Variants in SLC24A3 observed in about 807,000 individuals in gnomAD.
SLC24A3 encodes solute carrier family 24 member 3.
In SLC24A3, 28 loss-of-function variants were observed where a neutral mutation model predicts 75.8. The observed-to-expected ratio is 0.37, with a 90% CI of 0.27 to 0.51. The LOEUF (loss-of-function observed/expected upper bound fraction) is 0.51. Among genes scored for constraint, SLC24A3 ranks in the 20% least tolerant of loss-of-function variants. The pLI, the probability that SLC24A3 is intolerant of heterozygous loss-of-function variation, is 0.94. For synonymous variants in SLC24A3, 372 were observed against 334.1 expected, an observed-to-expected ratio of 1.11 and a Z score of -1.24; for missense variants, 663 against 847.8, an observed-to-expected ratio of 0.78 and a Z score of 2.71.
intron 2 of SLC24A3, among the ~76,000 whole-genome samples, chr20:19,381,232 G>A (rs552478592): frequency 5.3e-4 from 81 of 152,286 alleles, no homozygotes; most frequent in African/African-American, 1.8e-3. Context: ...GTTATGGGAG[G>A]TGGGGACTCA....
chr20:19,322,139 C>CT (rs1984721747), intron 2 of SLC24A3, among the ~76,000 whole-genome samples: 1 of 152,116 alleles, frequency 6.6e-6, no homozygotes, highest in Non-Finnish European at 1.5e-5. Flanking sequence ...CAGGTTGATG[C>CT]TTTGTCTATG....
rs140299559 is a variant in SLC24A3 at position 19,693,343 on chromosome 20, C to T, written c.1409C>T (p.Pro470Leu). 1.9e-6 allele frequency: 3 copies of T among 1,613,968 alleles called. No individual in the cohort carries two copies. The highest frequency in any genetic ancestry group is 1.3e-5 in the African/African-American group (1 of 74,876). Reference protein sequence around the residue: ...LYFTVPNCNKPRWEKWFMVTF... With the variant: ...LYFTVPNCNKLRWEKWFMVTF... ...TTCACTGTACCCAACTGCAACAAGC[C>T]GCGCTGGGAGAAATGGTTCATGGTG... Residue 470 changes from proline to leucine, a missense_variant, in exon 13 of 17, where the codon CCG becomes CTG. Physicochemically the swap from Pro to Leu is moderately conservative, Grantham distance 98. Around this residue, in one of 2 missense-constraint regions of SLC24A3, gnomAD observed 510 missense variants for 703.6 expected, o/e 0.72. Coordinates refer to ENST00000328041, the MANE Select transcript of SLC24A3 (RefSeq NM_020689.4).
chr20:19,649,655 T>C (rs2032178818), intron 6 of SLC24A3, among the ~76,000 whole-genome samples: 1 of 152,240 alleles, frequency 6.6e-6, no homozygotes, highest in African/African-American at 2.4e-5. Flanking sequence ...CTACAATTTC[T>C]ATTATACCTG....
chr20:19,681,052 G>T (rs181781533), intron 9 of SLC24A3, among the ~76,000 whole-genome samples: 14 of 152,244 alleles, frequency 9.2e-5, no homozygotes, highest in African/African-American at 3.4e-4. Context: ...GTCTTTGCCC[G>T]TGAGTTTTTA....
At chr20:19,561,136 AG>A (rs2030869148) in intron 3 of SLC24A3, among the ~76,000 whole-genome samples, 1 of 152,136 alleles carries the variant, frequency 6.6e-6, no homozygotes, top group African/African-American at 2.4e-5. Flanking sequence ...TGTAGATCAG[AG>A]AGAATCTTAT....
At chr20:19,259,852 G>A (rs943837657) in intron 1 of SLC24A3, among the ~76,000 whole-genome samples, 2 of 152,146 alleles carry the variant, frequency 1.3e-5, no homozygotes, top group Non-Finnish European at 2.9e-5. Context: ...TGTGCTATGG[G>A]AAAATCTCTT....
intron 2 of SLC24A3, among the ~76,000 whole-genome samples, chr20:19,391,408 G>A (rs1376195229): frequency 1.3e-5 from 2 of 152,154 alleles, no homozygotes; most frequent in Non-Finnish European, 2.9e-5. Flanking sequence ...CTGAGGGTAG[G>A]CTTTTCAGAT....
intron 2 of SLC24A3, among the ~76,000 whole-genome samples, chr20:19,339,748 A>G (rs7267420): frequency 0.098 from 14,946 of 152,234 alleles, 1,943 homozygotes; most frequent in African/African-American, 0.3. Flanking sequence ...GACAACCCTC[A>G]TCAGATGCAT....
At chr20:19,407,736 T>C (rs772811373) in intron 2 of SLC24A3, among the ~76,000 whole-genome samples, 14 of 152,350 alleles carry the variant, frequency 9.2e-5, no homozygotes, top group African/African-American at 2.9e-4. Flanking sequence ...CTCCACCATA[T>C]TGATGTCTGA....
chr20:19,323,387 C>T (rs1456098493), intron 2 of SLC24A3, among the ~76,000 whole-genome samples: 1 of 152,040 alleles, frequency 6.6e-6, no homozygotes, highest in East Asian at 1.9e-4. Context: ...GATGACCCAG[C>T]CTGAAAATGT....
intron 2 of SLC24A3, among the ~76,000 whole-genome samples, chr20:19,505,333 T>G (rs1988446793): frequency 6.6e-6 from 1 of 152,200 alleles, no homozygotes; most frequent in East Asian, 1.9e-4. Context: ...CCACCGCAAA[T>G]TGTCCATACA....
At chr20:19,672,950 C>T (rs2032485182) in intron 8 of SLC24A3, among the ~76,000 whole-genome samples, 1 of 152,242 alleles carries the variant, frequency 6.6e-6, no homozygotes, top group African/African-American at 2.4e-5. Context: ...GTAGCTAAAG[C>T]GAAACCTGGA....
chr20:19,633,432 G>A (rs1480172035), intron 6 of SLC24A3, among the ~76,000 whole-genome samples: 1 of 151,904 alleles, frequency 6.6e-6, no homozygotes, highest in Non-Finnish European at 1.5e-5. Flanking sequence ...GGCGGATCAC[G>A]AGGTCAGGAG....
intron 9 of SLC24A3, among the ~76,000 whole-genome samples, chr20:19,678,776 A>C (rs1221238556): frequency 7.3e-6 from 1 of 137,750 alleles, no homozygotes; most frequent in East Asian, 2.3e-4. Flanking sequence ...GGGGCTCCTC[A>C]CTTCTCAGAC....
intron 15 of SLC24A3, among the ~76,000 whole-genome samples, chr20:19,707,493 T>G (rs539847253): frequency 1.2e-4 from 19 of 152,324 alleles, no homozygotes; most frequent in Non-Finnish European, 2.6e-4. Flanking sequence ...TTATTATAAC[T>G]ACGATTGAGG....
chr20:19,400,556 T>C (rs1175474635), intron 2 of SLC24A3, among the ~76,000 whole-genome samples: 1 of 152,222 alleles, frequency 6.6e-6, no homozygotes, highest in Non-Finnish European at 1.5e-5. Flanking sequence ...CTGTATGTGC[T>C]GATCAGTGCT....
chr20:19,576,748 T>G (rs927690611), intron 3 of SLC24A3, among the ~76,000 whole-genome samples: 1 of 152,214 alleles, frequency 6.6e-6, no homozygotes, highest in African/African-American at 2.4e-5. Flanking sequence ...CAGATCAATA[T>G]GTAATACTGG....
chr20:19,569,012 C>T (rs906443491), intron 3 of SLC24A3, among the ~76,000 whole-genome samples: 1 of 152,082 alleles, frequency 6.6e-6, no homozygotes, highest in Admixed American at 6.5e-5. Flanking sequence ...AATACATAAG[C>T]TGACTTAGAA....
At chr20:19,687,561 G>A (rs773978433) in intron 12 of SLC24A3, among the ~76,000 whole-genome samples, 7 of 152,052 alleles carry the variant, frequency 4.6e-5, no homozygotes, top group East Asian at 1.9e-4. Context: ...TGCTTATTTC[G>A]CTAAAATCTT....
Sources: gnomAD v4.1 joint callset for allele counts (sites outside exome capture counted in the v4.1 genomes callset) on GRCh38, gnomAD v4.1.1 for gene constraint, gnomAD v4.1.1 regional missense constraint, MANE v1.5 for transcripts, NCBI Gene and HGNC (gene_info 2026-07-23, HGNC 2026-07-21) for gene names.